Variants in PPP3CA observed in about 807,000 individuals in gnomAD.
PPP3CA encodes protein phosphatase 3 catalytic subunit alpha, also known as CAM-PRP catalytic subunit.
Under a neutral mutation model 66.5 loss-of-function variants are expected in PPP3CA, and 14 were observed. The ratio of observed to expected loss-of-function variants is 0.21; its 90% CI spans 0.14 to 0.33. The LOEUF (loss-of-function observed/expected upper bound fraction) is 0.33. PPP3CA is among the 10% of genes least tolerant of loss of function. PPP3CA has a pLI of 1.00. For synonymous variants in PPP3CA, 232 were observed against 226.2 expected (o/e 1.03, Z -0.23); for missense variants, 317 against 639.5 (o/e 0.50, Z 5.44).
chr4:101,101,196 T>C (rs1207996344), intron 3 of PPP3CA, among the ~76,000 whole-genome samples: 2 of 152,164 alleles, frequency 1.3e-5, no homozygotes, highest in East Asian at 3.9e-4. Flanking sequence ...CCAAATGGCC[T>C]GTACAAGCGA....
chr4:101,308,222 C>T (rs1231849873), intron 1 of PPP3CA, among the ~76,000 whole-genome samples: 1 of 152,066 alleles, frequency 6.6e-6, no homozygotes, highest in African/African-American at 2.4e-5. Flanking sequence ...GTATTTTTCA[C>T]ATACAAAAAT....
chr4:101,225,670 G>T (rs1046560819), intron 1 of PPP3CA, among the ~76,000 whole-genome samples: 6 of 151,718 alleles, frequency 4.0e-5, no homozygotes, highest in African/African-American at 1.2e-4. Flanking sequence ...GCAGTTAAGA[G>T]AAATTTAAAA....
chr4:101,173,204 ATGAGGGGG>A (rs1723940389), intron 2 of PPP3CA, among the ~76,000 whole-genome samples: 1 of 151,994 alleles, frequency 6.6e-6, no homozygotes, highest in Admixed American at 6.6e-5. Context: ...TTATTGGGGG[ATGAGGGGG>A]TGAGGGGTGT....
At chr4:101,189,193 C>G (rs1205024441) in intron 2 of PPP3CA, among the ~76,000 whole-genome samples, 1 of 152,062 alleles carries the variant, frequency 6.6e-6, no homozygotes, top group African/African-American at 2.4e-5. Flanking sequence ...CACAAAGAAA[C>G]ACACACATAT....
chr4:101,247,075 G>C (rs964733246), intron 1 of PPP3CA, among the ~76,000 whole-genome samples: 2 of 152,062 alleles, frequency 1.3e-5, no homozygotes, highest in Non-Finnish European at 2.9e-5. Context: ...CTGAGTAGAA[G>C]AGTATACTCC....
At chr4:101,163,208 T>C (rs1723576147) in intron 2 of PPP3CA, among the ~76,000 whole-genome samples, 1 of 152,180 alleles carries the variant, frequency 6.6e-6, no homozygotes, top group African/African-American at 2.4e-5. Flanking sequence ...GGACTCCAGT[T>C]CACAGTTTGC....
At chr4:101,026,398 C>G (rs1268820469) in intron 13 of PPP3CA, among the ~76,000 whole-genome samples, 1 of 152,164 alleles carries the variant, frequency 6.6e-6, no homozygotes, top group African/African-American at 2.4e-5. Context: ...GCCTCTAGAA[C>G]CAGCATCAAC....
chr4:101,194,577 C>CT (rs1724724824), intron 2 of PPP3CA, among the ~76,000 whole-genome samples: 1 of 151,014 alleles, frequency 6.6e-6, no homozygotes, highest in African/African-American at 2.4e-5. Context: ...ATTTTTTTTT[C>CT]TTTTTTTGAG....
chr4:101,301,270 T>C lies in PPP3CA; in HGVS notation c.58+45469A>G, dbSNP rs548094344. On this transcript the variant is annotated intron_variant, in intron 1 of 13. Coordinates refer to ENST00000394854, the MANE Select transcript of PPP3CA (RefSeq NM_000944.5). The stretch of plus-strand genomic sequence containing the variant: ...TGTTTACTGAAACTACAAAATTCAA[T>C]TGATTTAATGTCAAATAACATGATA... Among the ~76,000 whole-genome samples the C allele has an allele frequency of 4.6e-5, 7 of 151,772 alleles. No homozygotes were observed. The South Asian group carries it at 8.3e-4, about 18-fold the overall frequency.
intron 10 of PPP3CA, among the ~76,000 whole-genome samples, chr4:101,048,756 A>T (rs1238189684): frequency 2.6e-5 from 4 of 152,108 alleles, no homozygotes; most frequent in African/African-American, 9.7e-5. Context: ...CTCTAAAGCA[A>T]ATATTCTGAA....
At chr4:101,341,208 C>CT (rs374057607) in intron 1 of PPP3CA, among the ~76,000 whole-genome samples, 119,528 of 134,798 alleles carry the variant, frequency 0.89, 53,278 homozygotes, top group East Asian at 0.99. Context: ...TTTTCTTTTT[C>CT]TTTTTTTTTT....
chr4:101,291,401 A>G (rs1560701375), intron 1 of PPP3CA, among the ~76,000 whole-genome samples: 1 of 152,126 alleles, frequency 6.6e-6, no homozygotes, highest in African/African-American at 2.4e-5. Context: ...TGCCTTCCCA[A>G]CACATGGTAT....
chr4:101,102,266 A>C (rs143031668), intron 3 of PPP3CA, among the ~76,000 whole-genome samples: 1 of 146,886 alleles, frequency 6.8e-6, no homozygotes, highest in African/African-American at 2.5e-5. Context: ...GGAAGGAAGG[A>C]AGGGAGGGAG....
intron 5 of PPP3CA, 64 bp from the exon 6 acceptor site, chr4:101,093,979 C>A: frequency 6.8e-7 from 1 of 1,475,568 alleles, no homozygotes; most frequent in Non-Finnish European, 9.1e-7. Context: ...TCTGACAATA[C>A]AAGAAACAAG....
At chr4:101,035,087 G>C (rs1727179863) in intron 11 of PPP3CA, among the ~76,000 whole-genome samples, 1 of 152,064 alleles carries the variant, frequency 6.6e-6, no homozygotes, top group Non-Finnish European at 1.5e-5. Flanking sequence ...CCAACATGGT[G>C]AAACCTCGTC....
chr4:101,271,335 G>T (rs1250819221), intron 1 of PPP3CA, among the ~76,000 whole-genome samples: 1 of 151,918 alleles, frequency 6.6e-6, no homozygotes, highest in African/African-American at 2.4e-5. Context: ...GAACTGACTG[G>T]TGCCAACCAT....
At chr4:101,073,326 G>C (rs868692179) in intron 8 of PPP3CA, among the ~76,000 whole-genome samples, 4 of 150,432 alleles carry the variant, frequency 2.7e-5, no homozygotes, top group Middle Eastern at 3.4e-3. Flanking sequence ...GCCCAGGCTG[G>C]AGTGCAATGG....
chr4:101,324,196 G>GGAAC (rs1729138166), intron 1 of PPP3CA, among the ~76,000 whole-genome samples: 2 of 143,706 alleles, frequency 1.4e-5, no homozygotes, highest in African/African-American at 5.1e-5. Flanking sequence ...AAGGAAGGAA[G>GGAAC]GAAGGAAGGA....
At chr4:101,341,180 G>T (rs1049773338) in intron 1 of PPP3CA, among the ~76,000 whole-genome samples, 1 of 147,534 alleles carries the variant, frequency 6.8e-6, no homozygotes, top group African/African-American at 2.5e-5. Context: ...TATACCAAAA[G>T]AAGTGGCCAT....
Sources: allele counts gnomAD v4.1 joint callset (sites outside exome capture counted in the v4.1 genomes callset), GRCh38; gene constraint gnomAD v4.1.1; transcripts MANE v1.5; gene names NCBI Gene and HGNC (gene_info 2026-07-23, HGNC 2026-07-21).